Variants in SLC3A1 observed in about 807,000 individuals in gnomAD.
SLC3A1 encodes amino acid transporter heavy chain SLC3A1.
In SLC3A1, 78 loss-of-function variants were observed where a neutral mutation model predicts 60.3. The ratio of observed to expected loss-of-function variants is 1.29; its 90% CI spans 1.08 to 1.56. SLC3A1 has a LOEUF of 1.56. Among genes scored for constraint, SLC3A1 ranks in the 40% most tolerant of loss-of-function variants. The pLI is 0.00. For synonymous variants in SLC3A1, 392 were observed against 307.9 expected (o/e 1.27, Z -2.86); for missense variants, 1,172 against 858.9 (o/e 1.36, Z -4.56).
intron 6 of SLC3A1, 102 bp downstream of exon 6, chr2:44,301,229 A>G: frequency 7.1e-7 from 1 of 1,407,558 alleles, no homozygotes. Context: ...TAATAATGTA[A>G]CAAGCCTGCA....
rs1672096485 is a variant in SLC3A1, at chr2:44,304,296, C to T, written c.1290C>T (p.Ser430=). The T allele has an allele frequency of 1.2e-6, 2 of 1,614,080 alleles. No homozygotes were observed. The highest frequency in any genetic ancestry group is 1.3e-5 in the African/African-American group (1 of 74,938). The change falls in exon 7 of 10, where the codon TCC becomes TCT. Residue 430 remains serine (S), a synonymous_variant. Coordinates refer to ENST00000260649, the MANE Select transcript of SLC3A1 (RefSeq NM_000341.4). ...SGNSVYEVIT[S]WMENMPEGKW... ...ACAGCGTGTATGAGGTTATCACATCCTGGATGGAAAACATGCCAGAAGGAA... is the reference window on the plus strand; with the variant it reads ...ACAGCGTGTATGAGGTTATCACATCTTGGATGGAAAACATGCCAGAAGGAA...
chr2:44,298,589 G>C (rs1301407070), intron 4 of SLC3A1, among the ~76,000 whole-genome samples: 5 of 152,198 alleles, frequency 3.3e-5, no homozygotes, highest in Admixed American at 2.0e-4. Flanking sequence ...TGTTGGCCAG[G>C]CTGGTCACAA....
At chr2:44,314,010 A>G (rs1672362764) in intron 9 of SLC3A1, 59 bp downstream of exon 9, 3 of 1,610,136 alleles carry the variant, frequency 1.9e-6, no homozygotes, top group African/African-American at 2.7e-5. Flanking sequence ...GTTTCTACTG[A>G]AAGTACACAC....
At chr2:44,284,723 G>A (rs1340054063) in intron 3 of SLC3A1, among the ~76,000 whole-genome samples, 3 of 151,894 alleles carry the variant, frequency 2.0e-5, no homozygotes, top group Admixed American at 1.3e-4. Context: ...ACCATCATGT[G>A]TGGCTGAGTT....
At chr2:44,308,765 C>A (rs757101473) in intron 7 of SLC3A1, among the ~76,000 whole-genome samples, 1 of 151,262 alleles carries the variant, frequency 6.6e-6, no homozygotes, top group African/African-American at 2.4e-5. Flanking sequence ...CAGAGTCTTG[C>A]TCTGTTGCCC....
At position 44,320,386 on chromosome 2, in the gene SLC3A1, C is replaced by T; in HGVS notation, c.1805C>T (p.Ser602Leu). 6.2e-7 allele frequency: 1 copy of T among 1,613,990 alleles called. No homozygotes were observed. Among genetic ancestry groups the T allele is most frequent in the Non-Finnish European group, 8.5e-7 (1 of 1,179,892 alleles). The change falls in exon 10 of 10, where the codon TCA becomes TTA. Residue 602 changes from serine to leucine, a missense_variant. Transcript: ENST00000260649. ...IFIVVLNFGE[S>L]TLLNLHNMIS... ...ATCGTGGTTCTGAATTTTGGAGAAT[C>T]AACACTGTTAAATCTACATAATATG...
At chr2:44,293,843 T>C (rs1414232782) in intron 4 of SLC3A1, among the ~76,000 whole-genome samples, 1 of 152,180 alleles carries the variant, frequency 6.6e-6, no homozygotes, top group Non-Finnish European at 1.5e-5. Context: ...CAAAGGCACA[T>C]CATCTTCCTG....
At chr2:44,322,215 C>G (rs1313506907), downstream of SLC3A1, among the ~76,000 whole-genome samples, 1 of 152,022 alleles carries the variant, frequency 6.6e-6, no homozygotes, top group Non-Finnish European at 1.5e-5. Flanking sequence ...CCAACTACAG[C>G]AATGGATGGG....
At chr2:44,287,082 G>A (rs568264263) in intron 4 of SLC3A1, among the ~76,000 whole-genome samples, 28 of 152,062 alleles carry the variant, frequency 1.8e-4, no homozygotes, top group African/African-American at 4.8e-4. Context: ...TGCCTACTCC[G>A]TGCCAGGCCC....
At chr2:44,285,458 G>T in intron 3 of SLC3A1, 1 of 333,686 alleles carries the variant, frequency 3.0e-6, no homozygotes, top group Non-Finnish European at 5.9e-6. Flanking sequence ...TCATACCATG[G>T]GGCCATAAAT....
intron 7 of SLC3A1, 120 bp from the exon 8 acceptor site, chr2:44,312,466 G>T: frequency 9.6e-7 from 1 of 1,038,030 alleles, no homozygotes; most frequent in Non-Finnish European, 1.5e-6. Context: ...GTCCAGGCTT[G>T]CTAGTACCAA....
chr2:44,302,370 A>G (rs1672036190), intron 6 of SLC3A1, among the ~76,000 whole-genome samples: 1 of 152,224 alleles, frequency 6.6e-6, no homozygotes, highest in Admixed American at 6.5e-5. Flanking sequence ...CAATAAAATT[A>G]CCCATCATTA....
intron 1 of SLC3A1, among the ~76,000 whole-genome samples, chr2:44,280,334 G>C (rs115615139): frequency 3.0e-4 from 46 of 152,134 alleles, no homozygotes; most frequent in African/African-American, 1.0e-3. Context: ...CGATTCCCAG[G>C]TTCAAGAGAT....
At position 44,286,107 on chromosome 2, in the gene SLC3A1, G is replaced by C; in HGVS notation, c.841G>C (p.Glu281Gln). ...ATGTTATTTTCATCAGTTTATGAAAGAGCAACCTGATTTAAATTTCCGCAA... is the reference window on the plus strand; with the variant it reads ...ATGTTATTTTCATCAGTTTATGAAACAGCAACCTGATTTAAATTTCCGCAA... ...NQCYFHQFMK[E>Q]QPDLNFRNPD... The change falls in exon 4 of 10, where the codon GAG becomes CAG. Residue 281 changes from glutamate to glutamine, a missense_variant. Transcript: ENST00000260649. 10 of 1,613,930 alleles carry C rather than the reference G, an allele frequency of 6.2e-6. No homozygotes were observed. The highest frequency in any genetic ancestry group is 8.5e-6 in the Non-Finnish European group (10 of 1,179,822).
chr2:44,301,247 A>C, intron 6 of SLC3A1, 120 bp downstream of exon 6: 2 of 1,296,712 alleles, frequency 1.5e-6, no homozygotes, highest in Admixed American at 3.9e-5. Context: ...GCATAACTCT[A>C]ATTGATTACA....
chr2:44,320,325 T>C lies in SLC3A1; in HGVS notation c.1744T>C (p.Tyr582His), dbSNP rs776729515. 16 of 1,614,038 alleles carry C rather than the reference T, an allele frequency of 9.9e-6. No homozygotes were observed. Among genetic ancestry groups the C allele is most frequent in the Non-Finnish European group, 1.3e-5 (15 of 1,179,996 alleles). ...GAGGAATGACAGCCACTATGTTGTG[T>C]ACACAAGAGAGCTGGATGGCATCGA... ...HLRNDSHYVV[Y>H]TRELDGIDRI... Residue 582 changes from tyrosine (Y) to histidine (H), a missense_variant, in exon 10 of 10, where the codon TAC becomes CAC. Coordinates refer to ENST00000260649, the MANE Select transcript of SLC3A1 (RefSeq NM_000341.4).
intron 2 of SLC3A1, 30 bp from the exon 3 acceptor site, chr2:44,281,357 C>A: frequency 2.5e-6 from 4 of 1,584,892 alleles, no homozygotes; most frequent in Non-Finnish European, 3.5e-6. Flanking sequence ...CAATCTTTCC[C>A]TAGCATTTGA....
At chr2:44,301,279 C>T in intron 6 of SLC3A1, 152 bp downstream of exon 6, 1 of 961,798 alleles carries the variant, frequency 1.0e-6, no homozygotes, top group Non-Finnish European at 1.6e-6. Context: ...CCAGGGCCTG[C>T]CATATTCCTT....
rs1450983023 is a variant in SLC3A1 at position 44,286,058 on chromosome 2, G to A, written c.792G>A (p.Trp264Ter). The A allele has an allele frequency of 2.5e-6, 4 of 1,613,994 alleles. No individual in the cohort carries two copies. Among genetic ancestry groups the A allele is most frequent in the Non-Finnish European group, 1.7e-6 (2 of 1,179,920 alleles). ...TAAGTGTGTATGGAAACTCCAGTTG[G>A]CACTTTGACGAAGTGCGAAACCAAT... ...NWLSVYGNSS[W>*]HFDEVRNQCY... The change falls in exon 4 of 10, where the codon TGG becomes TGA. Residue 264 changes from tryptophan to a stop codon, truncating the protein, a stop_gained. Coordinates refer to ENST00000260649, the MANE Select transcript of SLC3A1 (RefSeq NM_000341.4). LOFTEE classifies it high-confidence loss of function.
Sources: gnomAD v4.1 joint callset for allele counts (sites outside exome capture counted in the v4.1 genomes callset) on GRCh38, gnomAD v4.1.1 for gene constraint, MANE v1.5 for transcripts, NCBI Gene and HGNC (gene_info 2026-07-23, HGNC 2026-07-21) for gene names.